KALRN: variants seen among roughly 807,000 people sequenced by gnomAD.
KALRN encodes kalirin RhoGEF kinase.
In KALRN, 70 loss-of-function variants were observed where a neutral mutation model predicts 353.7. That is an observed-to-expected ratio of 0.20 (90% CI 0.16 to 0.24). The LOEUF (loss-of-function observed/expected upper bound fraction) is 0.24. Among genes scored for constraint, KALRN ranks in the 10% least tolerant of loss-of-function variants. KALRN has a pLI of 1.00. For synonymous variants in KALRN, 1,391 were observed against 1,434.8 expected (o/e 0.97, Z 0.69); for missense variants, 2,791 against 3,756.7 (o/e 0.74, Z 6.72).
intron 34 of KALRN, among the ~76,000 whole-genome samples, chr3:124,597,557 C>T (rs2076387557): frequency 6.6e-6 from 1 of 152,150 alleles, no homozygotes; most frequent in African/African-American, 2.4e-5. Context: ...GGGAGCAAAG[C>T]AGCAGGGATA....
intron 10 of KALRN, among the ~76,000 whole-genome samples, chr3:124,359,708 A>G (rs1196724039): frequency 6.6e-6 from 1 of 152,150 alleles, no homozygotes; most frequent in Non-Finnish European, 1.5e-5. Flanking sequence ...GTACCTAATC[A>G]AGAATTTGAT....
intron 51 of KALRN, among the ~76,000 whole-genome samples, chr3:124,681,983 C>T (rs950504555): frequency 3.9e-5 from 6 of 152,130 alleles, no homozygotes; most frequent in African/African-American, 1.4e-4. Flanking sequence ...ACTTTGAGCA[C>T]ATGAGCAAGT....
chr3:124,472,606 T>C (rs569423220), intron 25 of KALRN, among the ~76,000 whole-genome samples: 1,677 of 150,754 alleles, frequency 0.011, 17 homozygotes, highest in Non-Finnish European at 0.017. Flanking sequence ...TGTGTGTGTG[T>C]ACCTGTGTGT....
intron 7 of KALRN, among the ~76,000 whole-genome samples, chr3:124,328,812 C>T (rs1049958372): frequency 1.3e-5 from 2 of 152,122 alleles, no homozygotes; most frequent in Non-Finnish European, 2.9e-5. Context: ...GGATCAGAAG[C>T]GATTTTATTT....
chr3:124,656,468 G>A (rs1043959016), intron 39 of KALRN, among the ~76,000 whole-genome samples: 6 of 152,040 alleles, frequency 3.9e-5, no homozygotes, highest in South Asian at 2.1e-4. Context: ...AAAATTAGCC[G>A]GGCGTGGTGG....
chr3:124,710,390 T>C (rs1579066361), intron 57 of KALRN, among the ~76,000 whole-genome samples: 1 of 152,064 alleles, frequency 6.6e-6, no homozygotes, highest in South Asian at 2.1e-4. Context: ...CAGAAATAAT[T>C]AAAACTGAAA....
At chr3:124,400,288 G>T (rs2090699219) in intron 13 of KALRN, among the ~76,000 whole-genome samples, 2 of 152,060 alleles carry the variant, frequency 1.3e-5, no homozygotes, top group South Asian at 2.1e-4. Flanking sequence ...CAATCATAAA[G>T]GTACTCATCT....
rs147285439 is a variant in KALRN, at chr3:124,296,844, G to T, written c.970-1947G>T. ...GCCTTCATCTGGCTGATTCCTATCTGAATCAAGGTTTGACTCAGGTGTCAC... is the reference window on the plus strand; with the variant it reads ...GCCTTCATCTGGCTGATTCCTATCTTAATCAAGGTTTGACTCAGGTGTCAC... On this transcript the variant is annotated intron_variant, in intron 5 of 59. Coordinates refer to ENST00000682506, the MANE Select transcript of KALRN (RefSeq NM_001388419.1). 9.9e-4 allele frequency among the ~76,000 whole-genome samples: 151 copies of T among 152,316 alleles called. 1 individual carries two copies. The highest frequency in any genetic ancestry group is 3.4e-3 in the African/African-American group (140 of 41,580).
intron 1 of KALRN, among the ~76,000 whole-genome samples, chr3:124,071,134 G>A (rs1385383825): frequency 6.6e-6 from 1 of 152,114 alleles, no homozygotes; most frequent in Non-Finnish European, 1.5e-5. Flanking sequence ...TAGATGACAT[G>A]GGGGGCATGG....
At chr3:124,192,350 G>A (rs1010417917) in intron 1 of KALRN, among the ~76,000 whole-genome samples, 6 of 152,124 alleles carry the variant, frequency 3.9e-5, no homozygotes, top group African/African-American at 1.4e-4. Flanking sequence ...AACATAGAGA[G>A]TACAAGGATG....
intron 46 of KALRN, 94 bp downstream of exon 46, chr3:124,666,728 G>C: frequency 1.0e-6 from 1 of 989,170 alleles, no homozygotes. Flanking sequence ...GTGACATCCA[G>C]AACCGTGAAG....
At chr3:124,381,026 C>T (rs1351514343) in intron 10 of KALRN, among the ~76,000 whole-genome samples, 1 of 152,006 alleles carries the variant, frequency 6.6e-6, no homozygotes. Flanking sequence ...ACATTATCTG[C>T]CCCTAAGCAG....
At chr3:124,281,470 C>A (rs1203353732) in intron 5 of KALRN, among the ~76,000 whole-genome samples, 1 of 152,204 alleles carries the variant, frequency 6.6e-6, no homozygotes, top group Non-Finnish European at 1.5e-5. Flanking sequence ...CAGCTCCCAT[C>A]CCTCAGGGCA....
chr3:124,251,360 T>TA (rs2071130970), intron 3 of KALRN, among the ~76,000 whole-genome samples: 1 of 142,340 alleles, frequency 7.0e-6, no homozygotes, highest in Non-Finnish European at 1.5e-5. Flanking sequence ...CTTTGCTTTT[T>TA]TTTTTTTTTT....
At chr3:124,211,529 T>A (rs1204674842) in intron 1 of KALRN, among the ~76,000 whole-genome samples, 1 of 152,192 alleles carries the variant, frequency 6.6e-6, no homozygotes, top group Non-Finnish European at 1.5e-5. Flanking sequence ...GTGAATTCAG[T>A]GGCCCTATGG....
intron 38 of KALRN, among the ~76,000 whole-genome samples, chr3:124,653,198 G>A (rs1190129451): frequency 6.6e-6 from 1 of 152,136 alleles, no homozygotes; most frequent in Admixed American, 6.5e-5. Flanking sequence ...GGGGTGTAGC[G>A]AACCAAGACT....
intron 1 of KALRN, among the ~76,000 whole-genome samples, chr3:124,079,039 C>T (rs1246726025): frequency 6.6e-6 from 1 of 152,164 alleles, no homozygotes; most frequent in Non-Finnish European, 1.5e-5. Context: ...TTGTTGCTTG[C>T]TTGTTTTGTG....
chr3:124,694,743 C>T (rs1185210061), intron 53 of KALRN, among the ~76,000 whole-genome samples: 1 of 152,252 alleles, frequency 6.6e-6, no homozygotes, highest in East Asian at 1.9e-4. Context: ...GCAGCACCAG[C>T]ACACATTTCC....
At chr3:124,275,419 T>C (rs1467915894) in intron 5 of KALRN, among the ~76,000 whole-genome samples, 1 of 152,256 alleles carries the variant, frequency 6.6e-6, no homozygotes, top group African/African-American at 2.4e-5. Context: ...GGTTCTTCTC[T>C]TTTCAGGATT....
Sources: gnomAD v4.1 joint callset for allele counts (sites outside exome capture counted in the v4.1 genomes callset) on GRCh38, gnomAD v4.1.1 for gene constraint, MANE v1.5 for transcripts, NCBI Gene and HGNC (gene_info 2026-07-23, HGNC 2026-07-21) for gene names.